Variants in TJP2 observed in about 807,000 individuals in gnomAD.
TJP2 encodes tight junction protein 2.
TJP2 carries 91 observed loss-of-function variants against 133.1 expected under a neutral mutation model. The observed-to-expected ratio is 0.68, with a 90% CI of 0.58 to 0.81. The LOEUF is 0.81. TJP2 is among the 40% of genes least tolerant of loss of function. The pLI, the probability that TJP2 is intolerant of heterozygous loss-of-function variation, is 0.00. For missense variants in TJP2, 1,541 were observed against 1,565.6 expected (o/e 0.98, Z 0.26); for synonymous variants, 592 against 583.4 (o/e 1.01, Z -0.21).
rs560700553 is a variant in TJP2, at chr9:69,183,883, C to T, written c.60+9451C>T. ...CCAAGTAGCTGGGATTACAGGCATG[C>T]GCCACTACACCTAGCTAATTTTTGT... On this transcript the variant is annotated intron_variant, in intron 1 of 22. Transcript: ENST00000377245. Among the ~76,000 whole-genome samples, 6 of 152,222 alleles carry T rather than the reference C, an allele frequency of 3.9e-5. No homozygotes were observed. The South Asian group carries it at 6.2e-4, about 16-fold the overall frequency.
chr9:69,211,465 T>A (rs1447527046), intron 1 of TJP2, among the ~76,000 whole-genome samples: 1 of 152,258 alleles, frequency 6.6e-6, no homozygotes, highest in African/African-American at 2.4e-5. Flanking sequence ...TACCTCTCAC[T>A]CATGGTGATG....
intron 12 of TJP2, 85 bp downstream of exon 12, chr9:69,234,632 CA>C: frequency 9.8e-7 from 1 of 1,023,664 alleles, no homozygotes; most frequent in Non-Finnish European, 1.5e-6. Flanking sequence ...CCAGAATAGG[CA>C]AATCTGGGTA....
At chr9:69,174,675 C>G (rs983855431) in intron 1 of TJP2, among the ~76,000 whole-genome samples, 1 of 152,162 alleles carries the variant, frequency 6.6e-6, no homozygotes, top group Admixed American at 6.5e-5. Flanking sequence ...GAGATTAAGG[C>G]GCGAGTAGGG....
At chr9:69,218,142 G>C in intron 3 of TJP2, 115 bp from the exon 4 acceptor site, 1 of 862,766 alleles carries the variant, frequency 1.2e-6, no homozygotes, top group Non-Finnish European at 1.9e-6. Context: ...ACTAGACACT[G>C]AGCCCTTTAG....
At chr9:69,169,354 CT>C (rs59465317), upstream of TJP2, among the ~76,000 whole-genome samples, 52,222 of 120,332 alleles carry the variant, frequency 0.43, 10,112 homozygotes, top group African/African-American at 0.52. Flanking sequence ...AAACTTTTCT[CT>C]TTTTTTTTTT....
rs1284482974 is a variant in TJP2, at chr9:69,196,927, A to ATATG, written c.61-15620_61-15619insATGT. On this transcript the variant is annotated intron_variant, in intron 1 of 22. Transcript: ENST00000377245. ...TTTCTTTTGCTTGTTTTATATATAT[A>ATATG]TGTGTGTGTGTGTGTGTGTACACAC... 9.7e-3 allele frequency among the ~76,000 whole-genome samples: 1,400 copies of ATATG among 144,104 alleles called. 20 individuals are homozygous for ATATG. Among genetic ancestry groups the ATATG allele is most frequent in the African/African-American group, 0.035 (1,339 of 38,580 alleles). The allele number at this position is 144,104 out of a possible 152,430, so 94.5% of individuals were successfully genotyped here.
chr9:69,235,468 G>T (rs1016098173), intron 12 of TJP2, among the ~76,000 whole-genome samples: 1 of 151,832 alleles, frequency 6.6e-6, no homozygotes, highest in African/African-American at 2.4e-5. Flanking sequence ...GACTACAGGC[G>T]CCCACCACCA....
At chr9:69,238,031 G>T in intron 15 of TJP2, 58 bp downstream of exon 15, 1 of 1,272,744 alleles carries the variant, frequency 7.9e-7, no homozygotes, top group South Asian at 1.2e-5. Flanking sequence ...ATTTCTAACA[G>T]AGGAGTTGGA....
intron 2 of TJP2, among the ~76,000 whole-genome samples, chr9:69,157,253 T>C (rs931385097): frequency 1.1e-4 from 16 of 152,322 alleles, no homozygotes; most frequent in Non-Finnish European, 2.4e-4. Flanking sequence ...GTTGGTGCTG[T>C]GCTAAACATG....
chr9:69,220,992 A>G lies in TJP2; in HGVS notation c.448A>G (p.Ser150Gly). The G allele has an allele frequency of 6.2e-7, 1 of 1,612,690 alleles. No individual in the cohort carries two copies. The change falls in exon 5 of 23, where the codon AGT (serine) becomes GGT (glycine). Residue 150 changes from serine to glycine, a missense_variant. Coordinates refer to ENST00000377245, the MANE Select transcript of TJP2 (RefSeq NM_004817.4). ...FEVMDEFDGRSFRSGYSERSR... is the reference protein window; with the variant it reads ...FEVMDEFDGRGFRSGYSERSR... ...GGTGATGGACGAGTTTGATGGCAGA[A>G]GTTTCCGGAGTGGCTACAGCGAGAG... is the stretch of plus-strand genomic sequence containing the variant.
chr9:69,232,980 T>G (rs2133363070), intron 11 of TJP2, among the ~76,000 whole-genome samples: 1 of 152,352 alleles, frequency 6.6e-6, no homozygotes, highest in Non-Finnish European at 1.5e-5. Flanking sequence ...CTTGTGGCCC[T>G]GTCTTATTTA....
chr9:69,175,430 C>T (rs1431755300), intron 1 of TJP2, among the ~76,000 whole-genome samples: 2 of 152,226 alleles, frequency 1.3e-5, no homozygotes, highest in Admixed American at 1.3e-4. Context: ...ACAGGTCCAC[C>T]TTTGCCAGCG....
At chr9:69,134,431 C>T (rs888079842) in intron 1 of TJP2, among the ~76,000 whole-genome samples, 2 of 152,160 alleles carry the variant, frequency 1.3e-5, no homozygotes, top group African/African-American at 4.8e-5. Flanking sequence ...TGTTGATACC[C>T]TGGGCAATGT....
intron 7 of TJP2, among the ~76,000 whole-genome samples, chr9:69,227,070 T>C (rs1829408807): frequency 6.6e-6 from 1 of 152,222 alleles, no homozygotes; most frequent in Non-Finnish European, 1.5e-5. Flanking sequence ...CTGTTGCTTT[T>C]ATGCAGAGAA....
At chr9:69,156,875 G>C (rs1463154134) in intron 2 of TJP2, among the ~76,000 whole-genome samples, 1 of 152,184 alleles carries the variant, frequency 6.6e-6, no homozygotes, top group Non-Finnish European at 1.5e-5. Flanking sequence ...CAACTCAAAA[G>C]GGGTAGAGGG....
rs1351670385 is a variant in TJP2, at chr9:69,237,893, C to G, written c.2195C>G (p.Pro732Arg). The G allele has an allele frequency of 6.2e-7, 1 of 1,613,750 alleles. No homozygotes were observed. ...VLLREAGFKRPVVLFGPIADI... is the reference protein window; with the variant it reads ...VLLREAGFKRRVVLFGPIADI... ...GTCATTTCAGCTGGTTTCAAGAGAC[C>G]TGTGGTCTTATTCGGCCCCATAGCT... is the stretch of plus-strand genomic sequence containing the variant. Residue 732 changes from proline to arginine, a missense_variant, in exon 15 of 23, where the codon CCT becomes CGT. Coordinates refer to ENST00000377245, the MANE Select transcript of TJP2 (RefSeq NM_004817.4).
At chr9:69,169,775 A>T (rs2132903601), upstream of TJP2, among the ~76,000 whole-genome samples, 1 of 152,296 alleles carries the variant, frequency 6.6e-6, no homozygotes, top group Non-Finnish European at 1.5e-5. Context: ...GTTTCTTAAG[A>T]TCTCCACATT....
chr9:69,137,355 G>A (rs1822823029), intron 1 of TJP2, among the ~76,000 whole-genome samples: 1 of 129,380 alleles, frequency 7.7e-6, no homozygotes, highest in African/African-American at 2.9e-5. Context: ...ACAGGGTTTT[G>A]CTTTGTTGCC....
intron 1 of TJP2, among the ~76,000 whole-genome samples, chr9:69,146,281 A>C (rs868621568): frequency 1.3e-5 from 2 of 152,156 alleles, no homozygotes; most frequent in Non-Finnish European, 2.9e-5. Flanking sequence ...CTGCAGCCCC[A>C]CTGATTTACC....
Sources: allele counts gnomAD v4.1 joint callset (sites outside exome capture counted in the v4.1 genomes callset), GRCh38; gene constraint gnomAD v4.1.1; transcripts MANE v1.5; gene names NCBI Gene and HGNC (gene_info 2026-07-23, HGNC 2026-07-21).